ATF7IP: variants seen among roughly 807,000 people sequenced by gnomAD.
The protein encoded by ATF7IP is activating transcription factor 7-interacting protein 1.
Under a neutral mutation model 106.4 loss-of-function variants are expected in ATF7IP, and 23 were observed. That is an observed-to-expected ratio of 0.22 (90% CI 0.16 to 0.31). The LOEUF (loss-of-function observed/expected upper bound fraction) is 0.31, where lower values mean the gene tolerates loss of function less well. Ranked by LOEUF, ATF7IP falls within the 10% of genes least tolerant of loss-of-function variation. The pLI, the probability that ATF7IP is intolerant of heterozygous loss-of-function variation, is 1.00. For synonymous variants in ATF7IP, 542 were observed against 539.0 expected, an observed-to-expected ratio of 1.01 and a Z score of -0.08; for missense variants, 1,334 against 1,524.3, an observed-to-expected ratio of 0.88 and a Z score of 2.08.
chr12:14,416,696 T>G (rs1941222037), intron 1 of ATF7IP, among the ~76,000 whole-genome samples: 1 of 152,214 alleles, frequency 6.6e-6, no homozygotes, highest in Non-Finnish European at 1.5e-5. Context: ...ATGTTTCCAT[T>G]TCATTGTTCA....
intron 13 of ATF7IP, among the ~76,000 whole-genome samples, chr12:14,489,802 G>A (rs1173885963): frequency 1.3e-5 from 2 of 152,180 alleles, no homozygotes; most frequent in Non-Finnish European, 1.5e-5. Context: ...CGTACAGTGA[G>A]TGCCTTGGTT....
At chr12:14,416,385 A>G (rs1161144217) in intron 1 of ATF7IP, among the ~76,000 whole-genome samples, 2 of 152,004 alleles carry the variant, frequency 1.3e-5, no homozygotes, top group African/African-American at 2.4e-5. Context: ...AGGCAACAGC[A>G]TGAATATAAT....
chr12:14,402,130 T>TC (rs1054716738), intron 1 of ATF7IP, among the ~76,000 whole-genome samples: 4 of 132,216 alleles, frequency 3.0e-5, no homozygotes, highest in East Asian at 2.2e-4. Flanking sequence ...CTTCTTTCTT[T>TC]TTTTTTTTTT....
chr12:14,485,819 A>G (rs1944589127), intron 13 of ATF7IP, among the ~76,000 whole-genome samples: 4 of 152,188 alleles, frequency 2.6e-5, no homozygotes, highest in Admixed American at 6.5e-5. Context: ...TAGAGTCACC[A>G]CTTGATTAAG....
chr12:14,497,525 T>G, intron 14 of ATF7IP, 129 bp from the exon 15 acceptor site: 8 of 980,226 alleles, frequency 8.2e-6, no homozygotes, highest in Non-Finnish European at 1.2e-5. Context: ...TGATATGGTA[T>G]TTGGTATTTC....
Position 14,460,866 on chromosome 12 carries a change from C to T in ATF7IP, c.2530C>T (p.Pro844Ser), listed in dbSNP as rs753913637. Residue 844 changes from proline to serine, a missense_variant, in exon 9 of 15, where the codon CCA (proline) becomes TCA (serine). Around this residue, in one of 10 missense-constraint regions of ATF7IP, gnomAD observed 370 missense variants for 401.2 expected, o/e 0.92. Coordinates refer to ENST00000261168, the MANE Select transcript of ATF7IP (RefSeq NM_018179.5). ...SLPSLPNPTK[P>S]NNVPSVPSPS... ...GCCATCCTTGCCAAATCCCACTAAA[C>T]CAAACAACGTTCCTTCTGTGCCCAG... 7 of 1,614,180 alleles carry T rather than the reference C, an allele frequency of 4.3e-6. No homozygotes were observed. Among genetic ancestry groups the T allele is most frequent in the Non-Finnish European group, 5.9e-6 (7 of 1,180,034 alleles).
At chr12:14,395,698 C>G (rs1038050130) in intron 1 of ATF7IP, among the ~76,000 whole-genome samples, 3 of 152,072 alleles carry the variant, frequency 2.0e-5, no homozygotes, top group Admixed American at 2.0e-4. Flanking sequence ...CTTTACAAAT[C>G]AGAGTGCTTA....
rs780757684 is a variant in ATF7IP at position 14,425,043 on chromosome 12, C to T, written c.1128C>T (p.Ile376=). The T allele has an allele frequency of 1.2e-6, 2 of 1,608,796 alleles. No homozygotes were observed. Among genetic ancestry groups the T allele is most frequent in the South Asian group, 2.2e-5 (2 of 89,522 alleles). Residue 376 remains isoleucine, a synonymous_variant, in exon 2 of 15, where the codon ATC becomes ATT. Transcript: ENST00000261168. ...ENEKKVEEDI[I]TELALGEDAI... ...AAAAGAAGGTAGAGGAAGATATTAT[C>T]ACAGAGCTTGCTCTTGGAGAAGATG...
chr12:14,475,863 G>C, intron 10 of ATF7IP, 27 bp from the exon 11 acceptor site: 6 of 1,586,096 alleles, frequency 3.8e-6, no homozygotes, highest in Non-Finnish European at 5.1e-6. Context: ...AGTTTTCTTT[G>C]TAAAATGTAG....
In ATF7IP at chr12:14,434,399, G is replaced by A. The variant is rs571905678; in HGVS notation, c.1621G>A (p.Asp541Asn). The change falls in exon 3 of 15, where the codon GAT becomes AAT. Residue 541 changes from aspartate (D) to asparagine (N), a missense_variant. Around this residue, in one of 10 missense-constraint regions of ATF7IP, gnomAD observed 119 missense variants for 117.8 expected, o/e 1.01. Transcript: ENST00000261168. ...GGAAGAAGAGCAAGTAATACATGAA[G>A]ATGATGAAAGACCTTCTGAGAAAAG... ...PEEEEQVIHE[D>N]DERPSEKNEF... The A allele has an allele frequency of 1.3e-6, 2 of 1,586,060 alleles. No homozygotes were observed. The highest frequency in any genetic ancestry group is 2.7e-5 in the African/African-American group (2 of 74,524).
At chr12:14,463,982 C>T (rs998006709) in intron 9 of ATF7IP, among the ~76,000 whole-genome samples, 9 of 152,146 alleles carry the variant, frequency 5.9e-5, no homozygotes, top group African/African-American at 2.2e-4. Flanking sequence ...AATGTACTCT[C>T]TCAGATTTCA....
intron 1 of ATF7IP, among the ~76,000 whole-genome samples, chr12:14,408,745 G>A (rs1220646945): frequency 1.3e-5 from 2 of 152,044 alleles, no homozygotes; most frequent in Non-Finnish European, 2.9e-5. Context: ...TTATAAATGG[G>A]TATATTTTAT....
chr12:14,412,490 ACTT>A (rs548087560), intron 1 of ATF7IP, among the ~76,000 whole-genome samples: 25 of 151,946 alleles, frequency 1.6e-4, no homozygotes, highest in African/African-American at 2.2e-4. Flanking sequence ...TAAGTTTTGT[ACTT>A]CTTTGGCAAA....
chr12:14,487,291 A>G (rs1283844880), intron 13 of ATF7IP, among the ~76,000 whole-genome samples: 1 of 150,180 alleles, frequency 6.7e-6, no homozygotes, highest in Admixed American at 6.6e-5. Context: ...TGTAAATTAG[A>G]GAACTCAAAA....
chr12:14,465,180 C>T (rs908511348), intron 9 of ATF7IP, among the ~76,000 whole-genome samples: 3 of 151,802 alleles, frequency 2.0e-5, no homozygotes, highest in African/African-American at 7.3e-5. Flanking sequence ...TGCCACTGCA[C>T]TCTCGCCTGG....
chr12:14,446,725 A>C (rs894473412), intron 5 of ATF7IP, among the ~76,000 whole-genome samples: 2 of 152,214 alleles, frequency 1.3e-5, no homozygotes, highest in Non-Finnish European at 2.9e-5. Flanking sequence ...AGTGAGCAAC[A>C]CTCAAAAGTT....
chr12:14,473,806 G>GT (rs67593486), intron 10 of ATF7IP, among the ~76,000 whole-genome samples: 7 of 146,334 alleles, frequency 4.8e-5, no homozygotes, highest in East Asian at 2.0e-4. Flanking sequence ...ATTCTTAAAG[G>GT]TTTTTTTTTT....
chr12:14,457,147 CA>C, intron 7 of ATF7IP, 59 bp from the exon 8 acceptor site: 1 of 1,374,526 alleles, frequency 7.3e-7, no homozygotes, highest in Non-Finnish European at 1.0e-6. Flanking sequence ...TTCTAGATAT[CA>C]GTTGGTATTC....
intron 6 of ATF7IP, among the ~76,000 whole-genome samples, chr12:14,452,760 A>T (rs977716813): frequency 6.6e-6 from 1 of 152,140 alleles, no homozygotes; most frequent in Non-Finnish European, 1.5e-5. Context: ...TATAACAAGA[A>T]TACAGGATTC....
Sources: allele counts gnomAD v4.1 joint callset (sites outside exome capture counted in the v4.1 genomes callset), GRCh38; gene constraint gnomAD v4.1.1; regional missense constraint gnomAD v4.1.1; transcripts MANE v1.5; gene names NCBI Gene and HGNC (gene_info 2026-07-23, HGNC 2026-07-21).